RSU1: variants seen among roughly 807,000 people sequenced by gnomAD.
RSU1 encodes the protein Ras suppressor protein 1, also known as rsu-1.
A neutral mutation model predicts 31.1 loss-of-function variants in RSU1; 26 were observed. The observed-to-expected ratio is 0.84, with a 90% CI of 0.61 to 1.16. The LOEUF is 1.16. RSU1 is among the 50% of genes most tolerant of loss of function. RSU1 has a pLI of 0.00. For synonymous variants in RSU1, 164 were observed against 136.3 expected (o/e 1.20, Z -1.41); for missense variants, 320 against 339.1 (o/e 0.94, Z 0.44).
chr10:16,642,245 G>C (rs925245030), intron 8 of RSU1, among the ~76,000 whole-genome samples: 1 of 152,126 alleles, frequency 6.6e-6, no homozygotes, highest in African/African-American at 2.4e-5. Context: ...AGGTAGGGAG[G>C]AGGAAAAGAG....
intron 8 of RSU1, among the ~76,000 whole-genome samples, chr10:16,694,514 C>A (rs1187705984): frequency 1.3e-5 from 2 of 152,108 alleles, no homozygotes; most frequent in Non-Finnish European, 2.9e-5. Context: ...TAAAAATCCC[C>A]TTGAAAATAT....
At chr10:16,685,021 G>C (rs1835413259) in intron 8 of RSU1, among the ~76,000 whole-genome samples, 1 of 152,156 alleles carries the variant, frequency 6.6e-6, no homozygotes, top group Non-Finnish European at 1.5e-5. Flanking sequence ...GCTGAGGTGA[G>C]CGGATCACCT....
At chr10:16,607,437 G>C (rs911197970) in intron 8 of RSU1, among the ~76,000 whole-genome samples, 2 of 152,236 alleles carry the variant, frequency 1.3e-5, no homozygotes, top group African/African-American at 4.8e-5. Context: ...AGGTGTCAGA[G>C]TGCAGGGCAG....
intron 8 of RSU1, among the ~76,000 whole-genome samples, chr10:16,678,097 C>A (rs1815126039): frequency 6.6e-6 from 1 of 152,170 alleles, no homozygotes; most frequent in Admixed American, 6.5e-5. Flanking sequence ...ATTTCAAACC[C>A]TCATGCCCTT....
intron 8 of RSU1, among the ~76,000 whole-genome samples, chr10:16,656,408 G>A (rs1207750784): frequency 6.6e-6 from 1 of 152,120 alleles, no homozygotes; most frequent in Non-Finnish European, 1.5e-5. Context: ...ATCTCACAGG[G>A]CATTCTGTTG....
At chr10:16,687,288 C>A (rs1267489265) in intron 8 of RSU1, among the ~76,000 whole-genome samples, 1 of 152,082 alleles carries the variant, frequency 6.6e-6, no homozygotes, top group East Asian at 1.9e-4. Context: ...TGGAAGTTCC[C>A]AACTTAACTC....
At chr10:16,677,882 T>C (rs985820296) in intron 8 of RSU1, among the ~76,000 whole-genome samples, 1 of 152,160 alleles carries the variant, frequency 6.6e-6, no homozygotes, top group Non-Finnish European at 1.5e-5. Context: ...ACTCACGCAG[T>C]TTCTATTGGG....
chr10:16,700,205 C>T (rs1180149360), intron 7 of RSU1, among the ~76,000 whole-genome samples: 4 of 152,116 alleles, frequency 2.6e-5, no homozygotes, highest in Admixed American at 1.3e-4. Flanking sequence ...AAATTTTTCA[C>T]GTCATCAAAG....
intron 2 of RSU1, among the ~76,000 whole-genome samples, chr10:16,794,648 A>C (rs1837989812): frequency 6.6e-6 from 1 of 152,224 alleles, no homozygotes; most frequent in South Asian, 2.1e-4. Context: ...AGGTATTCTA[A>C]GATTCCACGG....
chr10:16,747,764 G>A (rs1324150037), intron 7 of RSU1, among the ~76,000 whole-genome samples: 4 of 152,222 alleles, frequency 2.6e-5, no homozygotes, highest in South Asian at 4.1e-4. Flanking sequence ...TACACACCAT[G>A]GCTCATGCCT....
Position 16,805,994 on chromosome 10 carries a change from G to C in RSU1, c.109+10979C>G, listed in dbSNP as rs546137183. 2.0e-4 allele frequency among the ~76,000 whole-genome samples: 30 copies of C among 152,298 alleles called. No homozygotes were observed. In the South Asian group the frequency reaches 5.4e-3, roughly 27 times the overall value. On this transcript the variant is annotated intron_variant, in intron 2 of 8. Transcript: ENST00000345264. ...TCAGGACTTAAAGGGAGAGTGACTA[G>C]GAGGAGCACCAGCTCCCAACCTACT...
intron 8 of RSU1, among the ~76,000 whole-genome samples, chr10:16,641,932 T>C (rs746079739): frequency 2.0e-5 from 3 of 152,212 alleles, no homozygotes; most frequent in African/African-American, 7.2e-5. Context: ...CCCAGGACCC[T>C]CTGACAAGCT....
intron 8 of RSU1, among the ~76,000 whole-genome samples, chr10:16,655,780 T>C (rs1486443011): frequency 6.6e-6 from 1 of 152,206 alleles, no homozygotes; most frequent in African/African-American, 2.4e-5. Context: ...GCAGCACATA[T>C]TTTAAATTGA....
intron 8 of RSU1, among the ~76,000 whole-genome samples, chr10:16,687,326 A>T (rs1036403514): frequency 5.9e-5 from 9 of 152,326 alleles, no homozygotes; most frequent in Non-Finnish European, 1.3e-4. Flanking sequence ...TGGAAATATC[A>T]AATGGGAACA....
In RSU1 at chr10:16,592,039, T is replaced by C. The variant is rs1470011716; in HGVS notation, c.*1355A>G. ...TGAAATGCGAAGTCTGTTTCCTAAG[T>C]AACTCAGAACTTGTTGTTTGATTTT... On this transcript the variant is annotated 3_prime_UTR_variant, in exon 9 of 9. Coordinates refer to ENST00000345264, the MANE Select transcript of RSU1 (RefSeq NM_012425.4). 1 of 151,276 alleles carries C rather than the reference T, an allele frequency of 6.6e-6. No homozygotes were observed. The highest frequency in any genetic ancestry group is 2.4e-5 in the African/African-American group (1 of 41,388). The allele number at this position is 151,276 out of a possible 1,614,324, so 9.4% of individuals were successfully genotyped here. A position where few individuals can be genotyped will look rare whatever the true frequency, so the allele number is the denominator to read the frequency against.
chr10:16,799,289 C>G (rs963439781), intron 2 of RSU1, among the ~76,000 whole-genome samples: 1 of 152,102 alleles, frequency 6.6e-6, no homozygotes, highest in African/African-American at 2.4e-5. Flanking sequence ...AAGAAGAAAG[C>G]TGAGCAAACA....
intron 7 of RSU1, among the ~76,000 whole-genome samples, chr10:16,717,900 G>T (rs1386461477): frequency 6.6e-6 from 1 of 151,882 alleles, no homozygotes; most frequent in African/African-American, 2.4e-5. Context: ...TTTGGACGCG[G>T]GTGAGGATGA....
chr10:16,805,753 G>A (rs1285830321), intron 2 of RSU1, among the ~76,000 whole-genome samples: 3 of 151,670 alleles, frequency 2.0e-5, no homozygotes, highest in African/African-American at 7.3e-5. Flanking sequence ...AGCAATACTG[G>A]CATTAGTAAT....
At chr10:16,663,309 T>G (rs2131529307) in intron 8 of RSU1, among the ~76,000 whole-genome samples, 1 of 152,286 alleles carries the variant, frequency 6.6e-6, no homozygotes, top group African/African-American at 2.4e-5. Flanking sequence ...CTGCCCCTTT[T>G]CATGCTTTCA....
Sources: allele counts gnomAD v4.1 joint callset (sites outside exome capture counted in the v4.1 genomes callset), GRCh38; gene constraint gnomAD v4.1.1; transcripts MANE v1.5; gene names NCBI Gene and HGNC (gene_info 2026-07-23, HGNC 2026-07-21).